Variants in PLEC observed in about 807,000 individuals in gnomAD.
PLEC encodes the protein plectin.
Under a neutral mutation model 392.8 loss-of-function variants are expected in PLEC, and 216 were observed. The ratio of observed to expected loss-of-function variants is 0.55; its 90% CI spans 0.49 to 0.62. The LOEUF (loss-of-function observed/expected upper bound fraction) is 0.62, where lower values mean the gene tolerates loss of function less well. Ranked by LOEUF, PLEC falls within the 20% of genes least tolerant of loss-of-function variation. PLEC has a pLI of 0.00. For missense variants in PLEC, 6,863 were observed against 6,563.4 expected, an observed-to-expected ratio of 1.05 and a Z score of -1.58; for synonymous variants, 3,621 against 2,980.6, an observed-to-expected ratio of 1.21 and a Z score of -7.00.
At chr8:143,966,657 G>A (rs1587413223) in intron 1 of PLEC, among the ~76,000 whole-genome samples, 1 of 151,970 alleles carries the variant, frequency 6.6e-6, no homozygotes, top group South Asian at 2.1e-4. Flanking sequence ...GGCTGGGGGG[G>A]TACAAAAGTG....
chr8:143,924,154 C>T lies in PLEC; in HGVS notation c.5775G>A (p.Glu1925=), dbSNP rs2857828. Reference sequence around the variant, plus strand: ...AGCTCGCCTTCAGCGCCAGGATCTCCTCCTCCACCTGCCGCCGCTGCCTCA... The same window carrying T: ...AGCTCGCCTTCAGCGCCAGGATCTCTTCCTCCACCTGCCGCCGCTGCCTCA... ...DTLRQRRQVE[E]EILALKASFE... Residue 1925 remains glutamate (E), a synonymous_variant, in exon 31 of 32, where the codon GAG becomes GAA. Coordinates refer to ENST00000345136, the MANE Select transcript of PLEC (RefSeq NM_201384.3). 1 of 1,598,968 alleles carries T rather than the reference C, an allele frequency of 6.3e-7. No homozygotes were observed. The highest frequency in any genetic ancestry group is 8.5e-7 in the Non-Finnish European group (1 of 1,179,554).
intron 16 of PLEC, 80 bp from the exon 17 acceptor site, chr8:143,932,314 C>T (rs1827579308): frequency 1.9e-6 from 3 of 1,607,226 alleles, no homozygotes; most frequent in South Asian, 2.2e-5. Flanking sequence ...GACCCAGGGC[C>T]CCCACTGGTC....
Position 143,916,724 on chromosome 8 carries a change from G to T in PLEC, c.13097C>A (p.Thr4366Asn), listed in dbSNP as rs200807583. Reference protein sequence around the residue: ...FCGFEDPRTKTKMSAAQALKK... With the variant: ...FCGFEDPRTKNKMSAAQALKK... ...CAGGGCCTGGGCGGCCGACATCTTG[G>T]TCTTGGTGCGTGGGTCCTCGAAGCC... The change falls in exon 32 of 32, where the codon ACC becomes AAC. Residue 4366 changes from threonine (T) to asparagine (N), a missense_variant. Coordinates refer to ENST00000345136, the MANE Select transcript of PLEC (RefSeq NM_201384.3). 6.2e-7 allele frequency: 1 copy of T among 1,613,036 alleles called. No individual in the cohort carries two copies. Among genetic ancestry groups the T allele is most frequent in the South Asian group, 1.1e-5 (1 of 91,084 alleles).
rs575730624 is a variant in PLEC, at chr8:143,924,003, C to T, written c.5926G>A (p.Ala1976Thr). 1.4e-5 allele frequency: 22 copies of T among 1,586,432 alleles called. No homozygotes were observed. The African/African-American group carries it at 2.5e-4, about 18-fold the overall frequency. The stretch of plus-strand genomic sequence containing the variant: ...CGGCGCCGCCGCTCCTCCTCCGCCG[C>T]CAGCTGCCGCTGCCTCGCAGCCTCC... ...ELEAARQRQL[A>T]AEEERRRREA... Residue 1976 changes from alanine (A) to threonine (T), a missense_variant, in exon 31 of 32, where the codon GCG (alanine) becomes ACG (threonine). Ala to Thr is a moderately conservative substitution (Grantham distance 58). Coordinates refer to ENST00000345136, the MANE Select transcript of PLEC (RefSeq NM_201384.3).
At position 143,921,974 on chromosome 8, in the gene PLEC, G is replaced by A. The variant is rs1554687839; in HGVS notation, c.7847C>T (p.Thr2616Ile). Residue 2616 changes from threonine to isoleucine, a missense_variant, in exon 32 of 32, where the codon ACT (threonine) becomes ATT (isoleucine). Physicochemically the swap from Thr to Ile is moderately conservative, Grantham distance 89 (BLOSUM62 -1). Coordinates refer to ENST00000345136, the MANE Select transcript of PLEC (RefSeq NM_201384.3). ...CTTTGTGGCAGCCACCTGCGAGGCA[G>A]TGACCTCCTCTGAGTGCGCCAGCGC... ...RAALAHSEEVTASQVAATKTL... is the reference protein window; with the variant it reads ...RAALAHSEEVIASQVAATKTL... 6.3e-7 allele frequency: 1 copy of A among 1,598,836 alleles called. No individual in the cohort carries two copies. The highest frequency in any genetic ancestry group is 2.2e-5 in the East Asian group (1 of 44,876).
At position 143,915,293 on chromosome 8, in the gene PLEC, C is replaced by T. The variant is rs1820233785; in HGVS notation, c.*884G>A. The T allele has an allele frequency of 6.6e-6, 1 of 152,618 alleles. No homozygotes were observed. The highest frequency in any genetic ancestry group is 6.5e-5 in the Admixed American group (1 of 15,284). The allele number at this position is 152,618 out of a possible 1,614,324, so 9.5% of individuals were successfully genotyped here. On this transcript the variant is annotated 3_prime_UTR_variant, in exon 32 of 32. Transcript: ENST00000345136. ...CGGGGTTAGTGGAACATGCAAAGCT[C>T]AGAGGGTGGAGGCAGGGGTGGTCGC... is the stretch of plus-strand genomic sequence containing the variant.
At position 143,922,325 on chromosome 8, in the gene PLEC, T is replaced by G. The variant is rs1338861681; in HGVS notation, c.7496A>C (p.Lys2499Thr). ...QALQQSFLSE[K>T]DSLLQRERFI... is the part of the protein sequence containing the mutation. ...GCGCTCCCGCTGTAGCAGGCTGTCCTTTTCAGAGAGGAAGCTTTGCTGCAG... is the reference window on the plus strand; with the variant it reads ...GCGCTCCCGCTGTAGCAGGCTGTCCGTTTCAGAGAGGAAGCTTTGCTGCAG... Residue 2499 changes from lysine (K) to threonine (T), a missense_variant, in exon 32 of 32, where the codon AAG (lysine) becomes ACG (threonine). Physicochemically the swap from Lys to Thr is moderately conservative, Grantham distance 78 (BLOSUM62 -1). Coordinates refer to ENST00000345136, the MANE Select transcript of PLEC (RefSeq NM_201384.3). 3 of 1,607,154 alleles carry G rather than the reference T, an allele frequency of 1.9e-6. No individual in the cohort carries two copies. The highest frequency in any genetic ancestry group is 2.5e-6 in the Non-Finnish European group (3 of 1,179,938).
At chr8:143,966,008 G>A (rs1228823367) in intron 1 of PLEC, among the ~76,000 whole-genome samples, 1 of 151,976 alleles carries the variant, frequency 6.6e-6, no homozygotes, top group African/African-American at 2.4e-5. Context: ...CACCCTGCTG[G>A]ACCCACCATA....
At chr8:143,960,933 C>G (rs1464699962) in intron 1 of PLEC, among the ~76,000 whole-genome samples, 1 of 152,252 alleles carries the variant, frequency 6.6e-6, no homozygotes, top group Non-Finnish European at 1.5e-5. Flanking sequence ...CTTTCCCACC[C>G]ACCCCACAGC....
chr8:143,973,288 C>A lies in PLEC; in HGVS notation c.70+115G>T. 7.6e-7 allele frequency: 1 copy of A among 1,311,396 alleles called. No individual in the cohort carries two copies. The highest frequency in any genetic ancestry group is 1.3e-5 in the South Asian group (1 of 77,156). 81.2% of individuals were successfully genotyped at this position (1,311,396 alleles called of 1,614,324 possible). A position where few individuals can be genotyped will look rare whatever the true frequency, so the allele number is the denominator to read the frequency against. ...TTGGGGGCGATCCAGGCGGACGAGG[C>A]CGGCGGAGTGGCCGCGCTCGGGCCG... On this transcript the variant is annotated intron_variant, in intron 1 of 31. Coordinates refer to the PLEC transcript ENST00000356346. This position sits in a 1 kb window ranked among gnomAD's most constrained non-coding sequence, Gnocchi z 5.6.
chr8:143,946,308 C>T, intron 1 of PLEC: 1 of 1,271,482 alleles, frequency 7.9e-7, no homozygotes, highest in Non-Finnish European at 1.0e-6. Flanking sequence ...GGCCCCGGCC[C>T]TCTCCTCTGC....
chr8:143,923,484 G>T lies in PLEC; in HGVS notation c.6445C>A (p.Arg2149=). 2 of 1,601,238 alleles carry T rather than the reference G, an allele frequency of 1.2e-6. No individual in the cohort carries two copies. Residue 2149 remains arginine (R), a synonymous_variant, in exon 31 of 32, where the codon CGG becomes AGG. Coordinates refer to ENST00000345136, the MANE Select transcript of PLEC (RefSeq NM_201384.3). The part of the protein sequence containing the change: ...RKEAEQEAAR[R]AQAEQAALRQ... The stretch of plus-strand genomic sequence containing the variant: ...AGGGCCGCCTGCTCCGCCTGTGCCC[G>T]CCGCGCCGCCTCTTGCTCGGCCTCC...
In PLEC at chr8:143,917,542, A is replaced by C; in HGVS notation, c.12279T>G (p.Pro4093=). ...PSDDTKGFFD[P]NTEENLTYLQ... is the part of the protein sequence containing the mutation. ...GGTAGGTGAGGTTCTCCTCCGTGTT[A>C]GGGTCAAAGAAGCCCTTGGTGTCGT... The change falls in exon 32 of 32, where the codon CCT becomes CCG. Residue 4093 remains proline, a synonymous_variant. Coordinates refer to ENST00000345136, the MANE Select transcript of PLEC (RefSeq NM_201384.3). 1 of 1,613,902 alleles carries C rather than the reference A, an allele frequency of 6.2e-7. No homozygotes were observed. The highest frequency in any genetic ancestry group is 8.5e-7 in the Non-Finnish European group (1 of 1,180,008).
At position 143,921,313 on chromosome 8, in the gene PLEC, G is replaced by A. The variant is rs782269141; in HGVS notation, c.8508C>T (p.Asp2836=). The change falls in exon 32 of 32, where the codon GAC becomes GAT. Residue 2836 remains aspartate (D), a synonymous_variant. Transcript: ENST00000345136. ...CCGCCAGGACGCGGTTCATCTCCTC[G>A]TCGAAGTAGCCGCGCCGGTAGGCCA... ...VDVAYRRGYF[D]EEMNRVLADP... 30 of 1,613,844 alleles carry A rather than the reference G, an allele frequency of 1.9e-5. No homozygotes were observed. The highest frequency in any genetic ancestry group is 9.3e-5 in the African/African-American group (7 of 74,934).
Position 143,924,643 on chromosome 8 carries a change from G to T in PLEC, c.5286C>A (p.Ala1762=). ...TGCTGGCCAGCAGCACCTCCATCTCGGCCCGCACCTTGGCCAGCTCGGCTT... is the reference window on the plus strand; with the variant it reads ...TGCTGGCCAGCAGCACCTCCATCTCTGCCCGCACCTTGGCCAGCTCGGCTT... ...ELEAELAKVR[A]EMEVLLASKA... Residue 1762 remains alanine (A), a synonymous_variant, in exon 31 of 32, where the codon GCC becomes GCA. Transcript: ENST00000345136. The T allele has an allele frequency of 6.5e-7, 1 of 1,537,732 alleles. No homozygotes were observed. The highest frequency in any genetic ancestry group is 8.7e-7 in the Non-Finnish European group (1 of 1,147,990).
rs199566976 is a variant in PLEC, at chr8:143,963,678, A to ATGT, written c.70+9722_70+9724dup. Among the ~76,000 whole-genome samples the ATGT allele has an allele frequency of 2.3e-4, 35 of 152,234 alleles. No individual in the cohort carries two copies. The East Asian group carries it at 5.6e-3, about 24-fold the overall frequency. On this transcript the variant is annotated intron_variant, in intron 1 of 31. Transcript: ENST00000356346. ...GATTTGGGACTTCTGAGCTGATTAA[A>ATGT]TGTTGTTCTTGTTTTTTTCAAGATG... is the stretch of plus-strand genomic sequence containing the variant.
upstream of PLEC, chr8:143,976,701 G>A (rs1554746124): frequency 6.6e-6 from 1 of 152,044 alleles, no homozygotes; most frequent in African/African-American, 2.4e-5. Context: ...GGTCATACAT[G>A]CCTGGTGGCT....
In PLEC at chr8:143,917,486, G is replaced by A. The variant is rs1554672209; in HGVS notation, c.12335C>T (p.Pro4112Leu). The A allele has an allele frequency of 1.2e-6, 2 of 1,613,872 alleles. No homozygotes were observed. The highest frequency in any genetic ancestry group is 2.2e-5 in the East Asian group (1 of 44,870). ...LQLMERCITD[P>L]QTGLCLLPLK... ...CGGCAAGAGACACAGGCCCGTCTGG[G>A]GGTCAGTGATACAACGCTCCATCAG... Residue 4112 changes from proline to leucine, a missense_variant, in exon 32 of 32, where the codon CCC becomes CTC. Coordinates refer to ENST00000345136, the MANE Select transcript of PLEC (RefSeq NM_201384.3).
chr8:143,925,823 A>G lies in PLEC; in HGVS notation c.4106T>C (p.Leu1369Pro). Residue 1369 changes from leucine (L) to proline (P), a missense_variant, in exon 31 of 32, where the codon CTG becomes CCG. Leu to Pro is a moderately conservative substitution (Grantham distance 98). Coordinates refer to ENST00000345136, the MANE Select transcript of PLEC (RefSeq NM_201384.3). ...RERLAEVEAA[L>P]EKQRQLAEAH... is the part of the protein sequence containing the mutation. ...CTCGGCCAGCTGCCGCTGCTTCTCC[A>G]GCGCGGCCTCCACCTCGGCCAGCCG... 3.8e-6 allele frequency: 6 copies of G among 1,561,154 alleles called. No individual in the cohort carries two copies. The highest frequency in any genetic ancestry group is 5.2e-6 in the Non-Finnish European group (6 of 1,160,948).
Sources: gnomAD v4.1 joint callset for allele counts (sites outside exome capture counted in the v4.1 genomes callset) on GRCh38, gnomAD v4.1.1 for gene constraint, Gnocchi (gnomAD v3.1) non-coding constraint, MANE v1.5 for transcripts, NCBI Gene and HGNC (gene_info 2026-07-23, HGNC 2026-07-21) for gene names.